BBS9: variants seen among roughly 807,000 people sequenced by gnomAD.
BBS9 encodes the protein Bardet-Biedl syndrome 9.
Under a neutral mutation model 117.7 loss-of-function variants are expected in BBS9, and 89 were observed. The observed-to-expected ratio is 0.76, with a 90% CI of 0.64 to 0.90. BBS9 has a LOEUF of 0.90. Ranked by LOEUF, BBS9 falls within the 40% of genes least tolerant of loss-of-function variation. The probability of loss-of-function intolerance (pLI) is 0.00; values close to 1 mark genes in which losing one functional copy is unlikely to be tolerated. For missense variants in BBS9, 982 were observed against 1,042.2 expected (o/e 0.94, Z 0.80); for synonymous variants, 379 against 370.9 (o/e 1.02, Z -0.25).
At chr7:33,474,783 T>TA (rs925326188) in intron 19 of BBS9, among the ~76,000 whole-genome samples, 5 of 152,108 alleles carry the variant, frequency 3.3e-5, no homozygotes, top group Admixed American at 3.3e-4. Flanking sequence ...CCATTTCTAC[T>TA]AAAAATACAA....
At chr7:33,426,015 C>G (rs1371071609) in intron 19 of BBS9, among the ~76,000 whole-genome samples, 1 of 151,934 alleles carries the variant, frequency 6.6e-6, no homozygotes, top group East Asian at 2.0e-4. Flanking sequence ...CAAATTTAGA[C>G]TAAAATAAAC....
chr7:33,563,412 G>A (rs1463885151), intron 21 of BBS9, among the ~76,000 whole-genome samples: 3 of 152,082 alleles, frequency 2.0e-5, no homozygotes, highest in African/African-American at 4.8e-5. Flanking sequence ...AAGAATTTAC[G>A]ATCTCCACTG....
chr7:33,603,536 A>G (rs193158351), intron 21 of BBS9, among the ~76,000 whole-genome samples: 71 of 152,152 alleles, frequency 4.7e-4, no homozygotes, highest in Middle Eastern at 3.4e-3. Context: ...AATAATACCT[A>G]TTTCATGGTG....
chr7:33,330,469 A>C (rs1813794214), intron 9 of BBS9, among the ~76,000 whole-genome samples: 1 of 152,186 alleles, frequency 6.6e-6, no homozygotes, highest in Non-Finnish European at 1.5e-5. Context: ...CAAGTTTAAA[A>C]TTTTAATGTA....
chr7:33,273,383 A>C (rs111336654), intron 8 of BBS9, among the ~76,000 whole-genome samples, 188 bp downstream of exon 8: 32 of 152,290 alleles, frequency 2.1e-4, no homozygotes, highest in African/African-American at 6.7e-4. Flanking sequence ...TGGTTTTGTC[A>C]GTCATTTTAC....
intron 16 of BBS9, among the ~76,000 whole-genome samples, chr7:33,366,543 C>CTTTTTTTTTTTTTTTTTTTTTT (rs70989948): frequency 6.0e-4 from 54 of 89,686 alleles, no homozygotes; most frequent in Non-Finnish European, 6.6e-4. Flanking sequence ...TCTTTTCTTT[C>CTTTTTTTTTTTTTTTTTTTTTT]TTTTTTTTTT....
chr7:33,219,002 G>C lies in BBS9; in HGVS notation c.443-38234G>C, dbSNP rs1583686774. Among the ~76,000 whole-genome samples, 4 of 152,368 alleles carry C rather than the reference G, an allele frequency of 2.6e-5. No homozygotes were observed. In the South Asian group the frequency reaches 8.3e-4, roughly 32 times the overall value. On this transcript the variant is annotated intron_variant, in intron 5 of 22. Transcript: ENST00000242067. Reference sequence around the variant, plus strand: ...AGAGGCGCGAGCGGGAACCCGGGCTGCGGGCGGCGCTTGCGGGCCAGCTGG... The same window carrying C: ...AGAGGCGCGAGCGGGAACCCGGGCTCCGGGCGGCGCTTGCGGGCCAGCTGG...
intron 1 of BBS9, among the ~76,000 whole-genome samples, chr7:33,132,916 CT>C (rs1425719408): frequency 2.0e-5 from 3 of 151,998 alleles, no homozygotes; most frequent in African/African-American, 4.8e-5. Flanking sequence ...TGCTATTGTT[CT>C]TTTTTTAATA....
At chr7:33,316,091 T>C (rs1391801174) in intron 9 of BBS9, among the ~76,000 whole-genome samples, 1 of 152,194 alleles carries the variant, frequency 6.6e-6, no homozygotes, top group African/African-American at 2.4e-5. Context: ...AAAGTTTCCT[T>C]GTGTGCTTTC....
intron 5 of BBS9, among the ~76,000 whole-genome samples, chr7:33,230,212 C>T (rs927473067): frequency 2.0e-5 from 3 of 152,032 alleles, no homozygotes; most frequent in Admixed American, 1.3e-4. Context: ...GCTACCATTT[C>T]GTTGATTGTT....
At chr7:33,168,330 A>AT (rs535685072) in intron 4 of BBS9, among the ~76,000 whole-genome samples, 16 of 151,850 alleles carry the variant, frequency 1.1e-4, no homozygotes, top group African/African-American at 3.6e-4. Context: ...AATTACAAGA[A>AT]TTTTTTTTTG....
At chr7:33,344,769 C>A in intron 12 of BBS9, 135 bp downstream of exon 12, 1 of 896,970 alleles carries the variant, frequency 1.1e-6, no homozygotes, top group Non-Finnish European at 1.8e-6. Context: ...TTTCCCCAGC[C>A]TTGAGTAGTG....
At chr7:33,271,214 C>T (rs897660498) in intron 7 of BBS9, among the ~76,000 whole-genome samples, 3 of 152,126 alleles carry the variant, frequency 2.0e-5, no homozygotes, top group Non-Finnish European at 4.4e-5. Context: ...GAAAGAAGCA[C>T]TAAATATGGA....
intron 13 of BBS9, among the ~76,000 whole-genome samples, chr7:33,350,106 A>G (rs1818345035): frequency 6.6e-6 from 1 of 152,174 alleles, no homozygotes. Context: ...TTTATATCCA[A>G]ATTGTCATTA....
intron 2 of BBS9, among the ~76,000 whole-genome samples, chr7:33,150,063 C>G (rs1445098482): frequency 6.6e-6 from 1 of 152,124 alleles, no homozygotes; most frequent in African/African-American, 2.4e-5. Flanking sequence ...TCCATTCTTC[C>G]TGATCAGTGC....
At chr7:33,500,216 C>A (rs1222633522) in intron 19 of BBS9, among the ~76,000 whole-genome samples, 1 of 152,188 alleles carries the variant, frequency 6.6e-6, no homozygotes, top group Non-Finnish European at 1.5e-5. Flanking sequence ...AACTAAAGCA[C>A]ATATGCCTAT....
chr7:33,185,743 A>C (rs1210506208), intron 5 of BBS9, among the ~76,000 whole-genome samples: 3 of 152,228 alleles, frequency 2.0e-5, no homozygotes, highest in Non-Finnish European at 4.4e-5. Flanking sequence ...TTATGGAATT[A>C]TTGTTTGGTA....
At position 33,585,498 on chromosome 7, in the gene BBS9, A is replaced by G. The variant is rs1860732333; in HGVS notation, c.2522-19367A>G. Among the ~76,000 whole-genome samples, 4 of 152,196 alleles carry G rather than the reference A, an allele frequency of 2.6e-5. No homozygotes were observed. The South Asian group carries it at 8.3e-4, about 32-fold the overall frequency. ...ACAGATTTGAATTCAAGTTCTCCCAATCACTATGTATGTGACTTTGAGCAA... is the reference window on the plus strand; with the variant it reads ...ACAGATTTGAATTCAAGTTCTCCCAGTCACTATGTATGTGACTTTGAGCAA... On this transcript the variant is annotated intron_variant, in intron 21 of 22. Coordinates refer to ENST00000242067, the MANE Select transcript of BBS9 (RefSeq NM_198428.3).
At chr7:33,484,077 G>C (rs1288969395) in intron 19 of BBS9, among the ~76,000 whole-genome samples, 1 of 152,192 alleles carries the variant, frequency 6.6e-6, no homozygotes, top group Non-Finnish European at 1.5e-5. Flanking sequence ...TCTGAAATGT[G>C]ACTTATTGAG....
Sources: allele counts gnomAD v4.1 joint callset (sites outside exome capture counted in the v4.1 genomes callset), GRCh38; gene constraint gnomAD v4.1.1; transcripts MANE v1.5; gene names NCBI Gene and HGNC (gene_info 2026-07-23, HGNC 2026-07-21).